TCF7L2: variants seen among roughly 807,000 people sequenced by gnomAD.
The protein encoded by TCF7L2 is transcription factor 7-like 2.
In TCF7L2, 23 loss-of-function variants were observed where a neutral mutation model predicts 77.9. The observed-to-expected ratio is 0.30, with a 90% CI of 0.21 to 0.42. The LOEUF is 0.42. TCF7L2 is among the 10% of genes least tolerant of loss of function. The pLI, the probability that TCF7L2 is intolerant of heterozygous loss-of-function variation, is 1.00. For missense variants in TCF7L2, 654 were observed against 793.1 expected (o/e 0.82, Z 2.11); for synonymous variants, 413 against 340.2 (o/e 1.21, Z -2.36).
At chr10:113,100,186 C>T (rs757801539) in intron 5 of TCF7L2, among the ~76,000 whole-genome samples, 2 of 152,166 alleles carry the variant, frequency 1.3e-5, no homozygotes, top group South Asian at 4.2e-4. Flanking sequence ...TTTTAACAAC[C>T]ACACACTATA....
At chr10:113,161,011 C>T (rs927027524) in intron 13 of TCF7L2, among the ~76,000 whole-genome samples, 1 of 152,190 alleles carries the variant, frequency 6.6e-6, no homozygotes, top group African/African-American at 2.4e-5. Context: ...CCTATGAATG[C>T]CTTGGTGGCC....
intron 4 of TCF7L2, among the ~76,000 whole-genome samples, chr10:112,988,025 C>T (rs372734653): frequency 1.4e-5 from 2 of 147,284 alleles, no homozygotes; most frequent in East Asian, 2.0e-4. Flanking sequence ...CAACATATCC[C>T]TGCCCTTTAG....
chr10:113,137,900 A>C (rs950253514), intron 5 of TCF7L2, among the ~76,000 whole-genome samples: 12 of 152,150 alleles, frequency 7.9e-5, no homozygotes, highest in Admixed American at 3.9e-4. Flanking sequence ...GTGCACACAC[A>C]CCCCCAGCAA....
chr10:113,115,355 A>G (rs2063584280), intron 5 of TCF7L2, among the ~76,000 whole-genome samples: 1 of 152,236 alleles, frequency 6.6e-6, no homozygotes, highest in Non-Finnish European at 1.5e-5. Flanking sequence ...ATACATTTTG[A>G]AAACATTTCT....
At chr10:113,073,503 C>CAAAAAAAAA (rs35730806) in intron 5 of TCF7L2, among the ~76,000 whole-genome samples, 65 of 43,972 alleles carry the variant, frequency 1.5e-3, no homozygotes, top group Non-Finnish European at 2.0e-3. Context: ...CGGTCTCTAC[C>CAAAAAAAAA]AAAAAAAAAA....
intron 11 of TCF7L2, among the ~76,000 whole-genome samples, chr10:113,152,982 G>A (rs2071080113): frequency 6.6e-6 from 1 of 152,214 alleles, no homozygotes; most frequent in Admixed American, 6.5e-5. Context: ...GAGCATGATG[G>A]GAATATCCCT....
intron 5 of TCF7L2, among the ~76,000 whole-genome samples, chr10:113,131,045 C>T (rs1185855909): frequency 1.3e-5 from 2 of 152,244 alleles, no homozygotes; most frequent in East Asian, 1.9e-4. Flanking sequence ...GGATTACAGG[C>T]GTGAGCCACC....
chr10:113,060,714 G>A (rs927630725), intron 5 of TCF7L2, among the ~76,000 whole-genome samples: 1 of 152,020 alleles, frequency 6.6e-6, no homozygotes, highest in Non-Finnish European at 1.5e-5. Flanking sequence ...TTCTAGATGC[G>A]GAAGTGTAAA....
At chr10:113,121,575 G>A (rs1208750988) in intron 5 of TCF7L2, among the ~76,000 whole-genome samples, 1 of 152,144 alleles carries the variant, frequency 6.6e-6, no homozygotes, top group Non-Finnish European at 1.5e-5. Context: ...CAACATTGGG[G>A]GGTGAATGGG....
At chr10:113,035,821 T>A (rs1214645931) in intron 4 of TCF7L2, among the ~76,000 whole-genome samples, 1 of 152,248 alleles carries the variant, frequency 6.6e-6, no homozygotes, top group Non-Finnish European at 1.5e-5. Flanking sequence ...ACAGCCATGA[T>A]ACAAGACATA....
intron 5 of TCF7L2, among the ~76,000 whole-genome samples, chr10:113,109,232 T>C (rs879810092): frequency 2.6e-5 from 4 of 152,130 alleles, no homozygotes; most frequent in Non-Finnish European, 5.9e-5. Flanking sequence ...GGAGTTAGGG[T>C]CAGAAGACCT....
chr10:113,036,684 C>CTTTCTTTCTTTCTTTCTTTCTTTCTTTCT, intron 4 of TCF7L2, among the ~76,000 whole-genome samples: 5 of 151,790 alleles, frequency 3.3e-5, no homozygotes, highest in African/African-American at 1.2e-4. Flanking sequence ...TTCTTTCTTT[C>CTTTCTTTCTTTCTTTCTTTCTTTCTTTCT]TTTCTTTTTT....
chr10:112,965,389 G>T (rs1021963237), intron 4 of TCF7L2, among the ~76,000 whole-genome samples: 4 of 152,214 alleles, frequency 2.6e-5, no homozygotes, highest in Non-Finnish European at 5.9e-5. Context: ...TCGTCTGTCT[G>T]CCTGGCCTTG....
intron 5 of TCF7L2, among the ~76,000 whole-genome samples, chr10:113,088,512 T>C (rs1198465670): frequency 6.6e-6 from 1 of 152,124 alleles, no homozygotes; most frequent in East Asian, 1.9e-4. Flanking sequence ...GTAGCAGCTA[T>C]TGTGATAGGG....
At chr10:113,038,910 A>G (rs1473619869) in intron 4 of TCF7L2, among the ~76,000 whole-genome samples, 1 of 152,206 alleles carries the variant, frequency 6.6e-6, no homozygotes, top group African/African-American at 2.4e-5. Flanking sequence ...AATTAATATT[A>G]AAACCAGCCA....
chr10:112,987,011 G>A (rs1257798796), intron 4 of TCF7L2, among the ~76,000 whole-genome samples: 1 of 152,206 alleles, frequency 6.6e-6, no homozygotes, highest in East Asian at 1.9e-4. Context: ...CATTTGCAAG[G>A]CTTAAGCTGA....
intron 4 of TCF7L2, among the ~76,000 whole-genome samples, chr10:112,978,629 G>C (rs556578902): frequency 7.0e-6 from 1 of 142,488 alleles, no homozygotes; most frequent in South Asian, 2.3e-4. Flanking sequence ...ACCACGCCTG[G>C]CTAATTTTTT....
intron 5 of TCF7L2, among the ~76,000 whole-genome samples, chr10:113,131,241 C>T (rs912864991): frequency 6.6e-6 from 1 of 152,218 alleles, no homozygotes; most frequent in Non-Finnish European, 1.5e-5. Flanking sequence ...ATACCATAGA[C>T]TTATGTTCAT....
rs897132860 is a variant in TCF7L2 at position 113,117,404 on chromosome 10, T to C, written c.553-23780T>C. 1.6e-3 allele frequency among the ~76,000 whole-genome samples: 82 copies of C among 50,566 alleles called. 2 individuals are homozygous for C. The highest frequency in any genetic ancestry group is 5.6e-3 in the East Asian group (14 of 2,496). The allele number at this position is 50,566 out of a possible 152,430, so 33.2% of individuals were successfully genotyped here. A position where few individuals can be genotyped will look rare whatever the true frequency, so the allele number is the denominator to read the frequency against. On this transcript the variant is annotated intron_variant, in intron 5 of 13. Transcript: ENST00000627217. ...CTCTCTCTCTCTCTCTCTCTCTCTC[T>C]CTCTCTCTCTCTCTCTCTCTCTCTC...
Sources: allele counts gnomAD v4.1 joint callset (sites outside exome capture counted in the v4.1 genomes callset), GRCh38; gene constraint gnomAD v4.1.1; transcripts MANE v1.5; gene names NCBI Gene and HGNC (gene_info 2026-07-23, HGNC 2026-07-21).